AK4: variants seen among roughly 807,000 people sequenced by gnomAD.
The protein encoded by AK4 is adenylate kinase 4, also known as adenylate kinase 4, mitochondrial.
In AK4, 13 loss-of-function variants were observed where a neutral mutation model predicts 24.6. The ratio of observed to expected loss-of-function variants is 0.53; its 90% confidence interval spans 0.34 to 0.84. The LOEUF is 0.84. Ranked by LOEUF, AK4 falls within the 40% of genes least tolerant of loss-of-function variation. The pLI, the probability that AK4 is intolerant of heterozygous loss-of-function variation, is 0.01. For synonymous variants in AK4, 88 were observed against 107.0 expected, an observed-to-expected ratio of 0.82 and a Z score of 1.10; for missense variants, 192 against 288.2, an observed-to-expected ratio of 0.67 and a Z score of 2.42.
intron 3 of AK4, among the ~76,000 whole-genome samples, chr1:65,223,031 GT>G: frequency 6.6e-6 from 1 of 151,620 alleles, no homozygotes. Flanking sequence ...TTCTCAGAAT[GT>G]TTGTCCCTGA....
intron 1 of AK4, among the ~76,000 whole-genome samples, chr1:65,163,755 C>G (rs866433899): frequency 2.6e-5 from 4 of 152,242 alleles, no homozygotes; most frequent in African/African-American, 9.6e-5. Flanking sequence ...TATTATTACT[C>G]AAATCAATCT....
chr1:65,158,172 C>T (rs568489158), intron 1 of AK4, among the ~76,000 whole-genome samples: 2 of 152,192 alleles, frequency 1.3e-5, no homozygotes, highest in East Asian at 3.9e-4. Context: ...CACATAGTGG[C>T]ATTGTAGTAT....
At chr1:65,175,752 A>C (rs1277572870) in intron 1 of AK4, among the ~76,000 whole-genome samples, 4 of 152,334 alleles carry the variant, frequency 2.6e-5, no homozygotes, top group African/African-American at 9.6e-5. Context: ...TTTCCAGAAC[A>C]TGAGCTTGAG....
intron 1 of AK4, 57 bp downstream of exon 1, chr1:65,148,609 C>A (rs1218634833): frequency 6.6e-7 from 1 of 1,510,372 alleles, no homozygotes. Flanking sequence ...GGGGTGAGGC[C>A]CTGGAGGGAC....
chr1:65,190,928 C>A, intron 2 of AK4, 99 bp downstream of exon 2: 2 of 1,379,186 alleles, frequency 1.5e-6, no homozygotes, highest in Non-Finnish European at 1.9e-6. Flanking sequence ...GCCTTATTTT[C>A]TAAACTTTCT....
chr1:65,198,121 G>C (rs7553495), intron 2 of AK4, among the ~76,000 whole-genome samples: 60,880 of 152,040 alleles, frequency 0.4, 12,757 homozygotes, highest in East Asian at 0.67. Context: ...ATATTTAGCC[G>C]TGAAAAATCA....
chr1:65,152,360 C>CTCTCTCTCTCTATA (rs1277948363), intron 1 of AK4, among the ~76,000 whole-genome samples: 1 of 27,940 alleles, frequency 3.6e-5, no homozygotes, highest in African/African-American at 1.1e-4. Context: ...CTCTCTCTCT[C>CTCTCTCTCTCTATA]TATATATATA....
intron 1 of AK4, among the ~76,000 whole-genome samples, chr1:65,161,738 A>G (rs1002139348): frequency 1.3e-5 from 2 of 152,178 alleles, no homozygotes; most frequent in African/African-American, 4.8e-5. Flanking sequence ...TAATGTTTTA[A>G]TAGGCTATAA....
intron 1 of AK4, among the ~76,000 whole-genome samples, chr1:65,155,584 T>A (rs1649951472): frequency 1.3e-5 from 2 of 152,200 alleles, no homozygotes. Context: ...AGCAAAAGTT[T>A]ATAAAGATGA....
intron 1 of AK4, among the ~76,000 whole-genome samples, chr1:65,149,774 C>A (rs887124902): frequency 5.9e-5 from 9 of 152,210 alleles, no homozygotes; most frequent in African/African-American, 2.2e-4. Flanking sequence ...CCCCCACCCC[C>A]ATGTCTCAAA....
intron 1 of AK4, among the ~76,000 whole-genome samples, chr1:65,177,954 T>C (rs1198233180): frequency 6.7e-6 from 1 of 149,936 alleles, no homozygotes; most frequent in Non-Finnish European, 1.5e-5. Context: ...AAAAAAAACA[T>C]TGCTGCACAT....
intron 2 of AK4, among the ~76,000 whole-genome samples, chr1:65,200,054 G>A (rs1651614608): frequency 6.6e-6 from 1 of 152,042 alleles, no homozygotes; most frequent in African/African-American, 2.4e-5. Context: ...AGAAGAAGAT[G>A]GGCAATAAGA....
At chr1:65,217,929 A>T (rs750553601) in intron 2 of AK4, among the ~76,000 whole-genome samples, 5 of 152,194 alleles carry the variant, frequency 3.3e-5, no homozygotes, top group African/African-American at 9.7e-5. Context: ...AAGGTGTACA[A>T]TGTGATGCTT....
At chr1:65,216,986 C>A (rs1034568460) in intron 2 of AK4, among the ~76,000 whole-genome samples, 5 of 152,198 alleles carry the variant, frequency 3.3e-5, no homozygotes, top group Non-Finnish European at 7.3e-5. Context: ...CAGGTGTGAG[C>A]GACTGTGCCT....
chr1:65,187,335 G>A (rs988102220), intron 1 of AK4, among the ~76,000 whole-genome samples: 43 of 125,742 alleles, frequency 3.4e-4, no homozygotes, highest in African/African-American at 1.2e-3. Flanking sequence ...GTGACAGAGC[G>A]AGACTCCGTC....
Position 65,226,770 on chromosome 1 carries a change from C to T in AK4, c.*593C>T, listed in dbSNP as rs1428949972. ...TCTACATCCACGCTCCATAGAGTCTCTCCTTTTCAGACATCCTGGGATGAA... is the reference window on the plus strand; with the variant it reads ...TCTACATCCACGCTCCATAGAGTCTTTCCTTTTCAGACATCCTGGGATGAA... On this transcript the variant is annotated 3_prime_UTR_variant, in exon 5 of 5. Coordinates refer to ENST00000327299, the MANE Select transcript of AK4 (RefSeq NM_013410.4). 1 of 151,478 alleles carries T rather than the reference C, an allele frequency of 6.6e-6. No homozygotes were observed. The highest frequency in any genetic ancestry group is 1.5e-5 in the Non-Finnish European group (1 of 67,916). The allele number at this position is 151,478 out of a possible 1,614,324, so 9.4% of individuals were successfully genotyped here. A position where few individuals can be genotyped will look rare whatever the true frequency, so the allele number is the denominator to read the frequency against.
chr1:65,157,272 C>G (rs1291085649), intron 1 of AK4, among the ~76,000 whole-genome samples: 1 of 152,202 alleles, frequency 6.6e-6, no homozygotes, highest in Non-Finnish European at 1.5e-5. Context: ...ACAATTTAAT[C>G]AGTCCCCTGT....
In AK4 at chr1:65,148,444, C is replaced by T. The variant is rs952694515; in HGVS notation, c.37C>T (p.Pro13Ser). The change falls in exon 1 of 5, where the codon CCG becomes TCG. Residue 13 changes from proline to serine, a missense_variant. Transcript: ENST00000327299. ...ACTCCTGCGCGCGGTCATCCTCGGG[C>T]CGCCCGGCTCGGGCAAGGGCACCGT... is the stretch of plus-strand genomic sequence containing the variant. ...SKLLRAVILG[P>S]PGSGKGTVCQ... The T allele has an allele frequency of 1.2e-5, 18 of 1,564,694 alleles. No homozygotes were observed. The highest frequency in any genetic ancestry group is 1.6e-5 in the Non-Finnish European group (18 of 1,156,116).
chr1:65,224,756 T>C lies in AK4; in HGVS notation c.443T>C (p.Ile148Thr). The C allele has an allele frequency of 1.2e-6, 2 of 1,611,856 alleles. No individual in the cohort carries two copies. Among genetic ancestry groups the C allele is most frequent in the Non-Finnish European group, 1.7e-6 (2 of 1,179,026 alleles). The change falls in exon 4 of 5, where the codon ATT (isoleucine) becomes ACT (threonine). Residue 148 changes from isoleucine (I) to threonine (T), a missense_variant. By Grantham distance (89) the Ile-to-Thr change is moderately conservative (BLOSUM62 -1). Coordinates refer to ENST00000327299, the MANE Select transcript of AK4 (RefSeq NM_013410.4). ...LDFNPPHVHG[I>T]DDVTGEPLVQ... is the part of the protein sequence containing the mutation. Reference sequence around the variant, plus strand: ...TGGTTTATTTGGTATTTGTAGGGTATTGATGACGTCACTGGTGAACCGTTA... The same window carrying C: ...TGGTTTATTTGGTATTTGTAGGGTACTGATGACGTCACTGGTGAACCGTTA...
Sources: gnomAD v4.1 joint callset for allele counts (sites outside exome capture counted in the v4.1 genomes callset) on GRCh38, gnomAD v4.1.1 for gene constraint, MANE v1.5 for transcripts, NCBI Gene and HGNC (gene_info 2026-07-23, HGNC 2026-07-21) for gene names.